Variants in KDM4C observed in about 807,000 individuals in gnomAD.
KDM4C encodes lysine demethylase 4C.
A neutral mutation model predicts 129.3 loss-of-function variants in KDM4C; 81 were observed. That is an observed-to-expected ratio of 0.63 (90% confidence interval 0.52 to 0.75). The LOEUF is 0.75. Among genes scored for constraint, KDM4C ranks in the 30% least tolerant of loss-of-function variants. KDM4C has a pLI of 0.00. For missense variants in KDM4C, 1,457 were observed against 1,304.0 expected (o/e 1.12, Z -1.81); for synonymous variants, 573 against 456.1 (o/e 1.26, Z -3.26).
intron 4 of KDM4C, among the ~76,000 whole-genome samples, chr9:6,836,152 T>C (rs1280552372): frequency 6.6e-6 from 1 of 152,018 alleles, no homozygotes; most frequent in Non-Finnish European, 1.5e-5. Flanking sequence ...TGAATAAAAG[T>C]GCACAACTTA....
At chr9:6,794,843 A>T (rs992107038) in intron 2 of KDM4C, among the ~76,000 whole-genome samples, 36 of 152,132 alleles carry the variant, frequency 2.4e-4, no homozygotes, top group Admixed American at 2.2e-3. Flanking sequence ...GCACATTTGG[A>T]TGCATAGGTC....
chr9:6,964,907 T>C (rs928447993), intron 8 of KDM4C, among the ~76,000 whole-genome samples: 3 of 151,644 alleles, frequency 2.0e-5, no homozygotes, highest in Admixed American at 2.0e-4. Context: ...TGAGCCGAGA[T>C]CGCGCCATTG....
intron 17 of KDM4C, among the ~76,000 whole-genome samples, chr9:7,056,794 A>AT (rs2132641054): frequency 4.6e-5 from 7 of 152,238 alleles, no homozygotes; most frequent in Admixed American, 4.6e-4. Context: ...CGAATGCTCC[A>AT]TTTTTTTCTG....
At chr9:7,005,958 A>T (rs901358069) in intron 12 of KDM4C, among the ~76,000 whole-genome samples, 1 of 152,202 alleles carries the variant, frequency 6.6e-6, no homozygotes, top group Non-Finnish European at 1.5e-5. Flanking sequence ...CACTTGGACT[A>T]ATGTTTTCAA....
At chr9:7,020,743 A>G (rs1440330817) in intron 15 of KDM4C, among the ~76,000 whole-genome samples, 1 of 152,198 alleles carries the variant, frequency 6.6e-6, no homozygotes, top group Non-Finnish European at 1.5e-5. Flanking sequence ...ACAGACATGC[A>G]GTACATAATA....
intron 8 of KDM4C, among the ~76,000 whole-genome samples, chr9:6,901,714 G>C (rs1308650563): frequency 6.6e-6 from 1 of 152,198 alleles, no homozygotes; most frequent in Non-Finnish European, 1.5e-5. Context: ...GAAAGAAAAA[G>C]ATGGAAGAAA....
intron 5 of KDM4C, 35 bp downstream of exon 5, chr9:6,849,735 G>T (rs755802807): frequency 6.5e-5 from 97 of 1,491,356 alleles, no homozygotes; most frequent in Non-Finnish European, 8.5e-5. Flanking sequence ...TTACTTTGGA[G>T]TTTTGAAATT....
At chr9:6,880,802 T>A (rs10121239) in intron 6 of KDM4C, among the ~76,000 whole-genome samples, 25,493 of 152,142 alleles carry the variant, frequency 0.17, 2,995 homozygotes, top group East Asian at 0.49. Context: ...TCCTTTTTTT[T>A]AAAGATAAGC....
intron 11 of KDM4C, 112 bp from the exon 12 acceptor site, chr9:6,990,304 C>G: frequency 1.4e-6 from 1 of 740,430 alleles, no homozygotes; most frequent in Non-Finnish European, 2.3e-6. Context: ...GGTAAACAAC[C>G]ACAAGATTTC....
chr9:7,119,054 T>G (rs1358635816), intron 18 of KDM4C, among the ~76,000 whole-genome samples: 3 of 152,160 alleles, frequency 2.0e-5, no homozygotes, highest in African/African-American at 4.8e-5. Context: ...AAATGATATT[T>G]AAGAATGCAG....
chr9:6,743,971 C>G (rs1031274845), intron 1 of KDM4C, among the ~76,000 whole-genome samples: 1 of 151,120 alleles, frequency 6.6e-6, no homozygotes, highest in Non-Finnish European at 1.5e-5. Context: ...TGTTCTCAAA[C>G]TCCTGGGCTC....
intron 17 of KDM4C, among the ~76,000 whole-genome samples, chr9:7,096,043 T>A (rs1423702270): frequency 6.6e-6 from 1 of 152,234 alleles, no homozygotes; most frequent in Admixed American, 6.5e-5. Context: ...AGCTGAAAGA[T>A]GTTTGGTGGC....
At position 7,002,518 on chromosome 9, in the gene KDM4C, G is replaced by A. The variant is rs10975963; in HGVS notation, c.1787-9180G>A. ...CTATTATTTCTCTTCAGATCATGTG[G>A]CTCTTTCTCCTTTTTCACCTATCTT... On this transcript the variant is annotated intron_variant, in intron 12 of 21. Coordinates refer to ENST00000381309, the MANE Select transcript of KDM4C (RefSeq NM_015061.6). Among the ~76,000 whole-genome samples, 315 of 152,176 alleles carry A rather than the reference G, an allele frequency of 2.1e-3. 1 individual carries two copies. The highest frequency in any genetic ancestry group is 7.2e-3 in the African/African-American group (299 of 41,522).
At chr9:6,841,688 G>C (rs1836945597) in intron 4 of KDM4C, among the ~76,000 whole-genome samples, 2 of 152,188 alleles carry the variant, frequency 1.3e-5, no homozygotes, top group Admixed American at 1.3e-4. Flanking sequence ...TCTCCGTGTT[G>C]ATATTGTAGC....
chr9:6,886,428 T>G (rs1479551303), intron 6 of KDM4C, among the ~76,000 whole-genome samples: 2 of 151,744 alleles, frequency 1.3e-5, no homozygotes, highest in Non-Finnish European at 2.9e-5. Flanking sequence ...ATCTCATGCC[T>G]TAGCCTCCTG....
intron 5 of KDM4C, among the ~76,000 whole-genome samples, chr9:6,857,831 T>A (rs1466017685): frequency 4.0e-5 from 6 of 151,016 alleles, no homozygotes; most frequent in Admixed American, 4.0e-4. Context: ...CTTGGCTCAC[T>A]GCAACCTCTG....
At chr9:6,835,467 G>A (rs1238504954) in intron 4 of KDM4C, 2 of 1,362,764 alleles carry the variant, frequency 1.5e-6, no homozygotes, top group East Asian at 2.3e-5. Flanking sequence ...AGCACTCTGT[G>A]TGGATTGGCG....
chr9:7,136,902 A>G (rs2129759122), intron 19 of KDM4C, among the ~76,000 whole-genome samples: 1 of 152,334 alleles, frequency 6.6e-6, no homozygotes, highest in South Asian at 2.1e-4. Context: ...TGTCCTTTCT[A>G]GGTAAAGAAT....
intron 15 of KDM4C, among the ~76,000 whole-genome samples, chr9:7,030,612 A>G (rs1158236025): frequency 1.3e-5 from 2 of 152,216 alleles, no homozygotes; most frequent in African/African-American, 4.8e-5. Flanking sequence ...TATGAACTTA[A>G]AGTTGCTATA....
Sources: allele counts gnomAD v4.1 joint callset (sites outside exome capture counted in the v4.1 genomes callset), GRCh38; gene constraint gnomAD v4.1.1; transcripts MANE v1.5; gene names NCBI Gene and HGNC (gene_info 2026-07-23, HGNC 2026-07-21).